The following DYNC1I1 variants were observed in gnomAD, a reference collection of about 807,000 sequenced individuals.
The protein encoded by DYNC1I1 is dynein cytoplasmic 1 intermediate chain 1.
Under a neutral mutation model 86.6 loss-of-function variants are expected in DYNC1I1, and 43 were observed. The observed-to-expected ratio is 0.50, with a 90% CI of 0.39 to 0.64. The LOEUF is 0.64. DYNC1I1 is among the 30% of genes least tolerant of loss of function. The pLI, the probability that DYNC1I1 is intolerant of heterozygous loss-of-function variation, is 0.00. For synonymous variants in DYNC1I1, 262 were observed against 283.7 expected (o/e 0.92, Z 0.77); for missense variants, 604 against 788.8 (o/e 0.77, Z 2.81).
intron 2 of DYNC1I1, among the ~76,000 whole-genome samples, chr7:95,805,413 TCTC>T (rs1168007095): frequency 3.3e-5 from 5 of 152,128 alleles, no homozygotes; most frequent in African/African-American, 1.2e-4. Flanking sequence ...AGGCTGTTCT[TCTC>T]TTAGAGAGAA....
At chr7:95,953,840 A>G (rs996423126) in intron 6 of DYNC1I1, among the ~76,000 whole-genome samples, 5 of 152,196 alleles carry the variant, frequency 3.3e-5, no homozygotes, top group Non-Finnish European at 5.9e-5. Flanking sequence ...ATTCCTGCTG[A>G]GATTTTCCTA....
intron 6 of DYNC1I1, among the ~76,000 whole-genome samples, chr7:95,896,686 G>A (rs1790891721): frequency 6.6e-6 from 1 of 152,140 alleles, no homozygotes; most frequent in South Asian, 2.1e-4. Flanking sequence ...TGAGAAATCA[G>A]AAACCAAGTT....
intron 10 of DYNC1I1, among the ~76,000 whole-genome samples, chr7:96,011,083 T>A (rs1249060474): frequency 6.6e-6 from 1 of 152,194 alleles, no homozygotes; most frequent in African/African-American, 2.4e-5. Flanking sequence ...TTTCTACCAA[T>A]TTCTTCAACA....
At chr7:95,871,230 C>T (rs1443323278) in intron 6 of DYNC1I1, among the ~76,000 whole-genome samples, 1 of 152,156 alleles carries the variant, frequency 6.6e-6, no homozygotes, top group Non-Finnish European at 1.5e-5. Context: ...GCCTCCATTT[C>T]TCAAGCCCCA....
At chr7:95,963,544 GCT>G (rs1329454097) in intron 6 of DYNC1I1, among the ~76,000 whole-genome samples, 1 of 152,136 alleles carries the variant, frequency 6.6e-6, no homozygotes, top group Admixed American at 6.5e-5. Context: ...ATGACTGCAT[GCT>G]CTAACCACTA....
Position 96,097,762 on chromosome 7 carries a change from C to T in DYNC1I1, c.*169C>T. 1 of 1,327,718 alleles carries T rather than the reference C, an allele frequency of 7.5e-7. No individual in the cohort carries two copies. 82.2% of individuals were successfully genotyped at this position (1,327,718 alleles called of 1,614,324 possible). On this transcript the variant is annotated 3_prime_UTR_variant, in exon 17 of 17. Transcript: ENST00000447467. ...AGTATTCTAAATGTGTCCCATCATG[C>T]TTTCCACTGACCCAAAATTCACCAC... is the stretch of plus-strand genomic sequence containing the variant.
At chr7:95,955,710 G>A (rs139201544) in intron 6 of DYNC1I1, among the ~76,000 whole-genome samples, 137 of 152,208 alleles carry the variant, frequency 9.0e-4, no homozygotes, top group African/African-American at 3.1e-3. Flanking sequence ...ATTTCAAACA[G>A]GACCAGCTTA....
In DYNC1I1 at chr7:95,804,849, G is replaced by T; in HGVS notation, c.108+12G>T. On this transcript the variant is annotated intron_variant, in intron 2 of 16. Coordinates refer to ENST00000447467, the MANE Select transcript of DYNC1I1 (RefSeq NM_001135556.2). ...GGAAAAAGAAAGAGGTAAATCCTGGGTGTTGGGGTGTTGTGGGGGAAAAAG... is the reference window on the plus strand; with the variant it reads ...GGAAAAAGAAAGAGGTAAATCCTGGTTGTTGGGGTGTTGTGGGGGAAAAAG... 1 of 1,542,540 alleles carries T rather than the reference G, an allele frequency of 6.5e-7. No homozygotes were observed. Among genetic ancestry groups the T allele is most frequent in the Non-Finnish European group, 8.7e-7 (1 of 1,143,690 alleles).
At chr7:95,901,785 C>T (rs1387752189) in intron 6 of DYNC1I1, among the ~76,000 whole-genome samples, 1 of 152,156 alleles carries the variant, frequency 6.6e-6, no homozygotes, top group Non-Finnish European at 1.5e-5. Context: ...TGAGGGCTGC[C>T]ATCTGCTTAA....
chr7:95,980,366 A>G (rs931724451), intron 7 of DYNC1I1, among the ~76,000 whole-genome samples: 1 of 151,752 alleles, frequency 6.6e-6, no homozygotes, highest in Non-Finnish European at 1.5e-5. Context: ...TCTCTAGCAG[A>G]TATAATCGTG....
At chr7:95,839,082 G>A (rs1262942492) in intron 5 of DYNC1I1, among the ~76,000 whole-genome samples, 2 of 151,982 alleles carry the variant, frequency 1.3e-5, no homozygotes, top group African/African-American at 4.8e-5. Flanking sequence ...CCAGGCTGGA[G>A]TGCAGTGGTG....
chr7:95,875,843 G>A (rs140688967), intron 6 of DYNC1I1, among the ~76,000 whole-genome samples: 95 of 152,264 alleles, frequency 6.2e-4, no homozygotes, highest in African/African-American at 2.3e-3. Context: ...TCTCTCTTTT[G>A]ATGATTTAGT....
At chr7:95,959,446 C>G (rs1374020876) in intron 6 of DYNC1I1, among the ~76,000 whole-genome samples, 2 of 152,126 alleles carry the variant, frequency 1.3e-5, no homozygotes, top group Non-Finnish European at 2.9e-5. Context: ...GGAAATCTTT[C>G]AGAGATTAAG....
At chr7:95,896,553 T>A (rs1790887589) in intron 6 of DYNC1I1, among the ~76,000 whole-genome samples, 1 of 152,164 alleles carries the variant, frequency 6.6e-6, no homozygotes, top group Non-Finnish European at 1.5e-5. Flanking sequence ...GAGTAAGAAG[T>A]TTGCCTAAAG....
At position 96,053,785 on chromosome 7, in the gene DYNC1I1, C is replaced by T. The variant is rs372710275; in HGVS notation, c.1509+14364C>T. On this transcript the variant is annotated intron_variant, in intron 14 of 16. Coordinates refer to ENST00000447467, the MANE Select transcript of DYNC1I1 (RefSeq NM_001135556.2). ...GATATTGCTTTGTTCATCTTTATCC[C>T]GTGTCTCACATATGTTAGTTTCCTA... Among the ~76,000 whole-genome samples the T allele has an allele frequency of 1.1e-4, 17 of 152,056 alleles. 1 individual carries two copies. In the East Asian group the frequency reaches 2.9e-3, roughly 26 times the overall value.
chr7:95,909,243 T>TGGGGGGGGGGGGGGGGGGGGGGG (rs55986463), intron 6 of DYNC1I1, among the ~76,000 whole-genome samples: 1 of 40,380 alleles, frequency 2.5e-5, no homozygotes, highest in Non-Finnish European at 4.3e-5. Flanking sequence ...GGGAGGGGGG[T>TGGGGGGGGGGGGGGGGGGGGGGG]GGGGGGGGGG....
chr7:96,086,472 T>A (rs76907528), intron 16 of DYNC1I1, among the ~76,000 whole-genome samples: 1 of 152,302 alleles, frequency 6.6e-6, no homozygotes, highest in East Asian at 1.9e-4. Context: ...AAACCATGGT[T>A]TGAGAGACGG....
At chr7:95,960,252 G>A (rs1358816915) in intron 6 of DYNC1I1, among the ~76,000 whole-genome samples, 5 of 151,692 alleles carry the variant, frequency 3.3e-5, no homozygotes, top group Non-Finnish European at 2.9e-5. Context: ...GATTACAGGC[G>A]GACACCACCA....
intron 6 of DYNC1I1, among the ~76,000 whole-genome samples, chr7:95,934,788 G>T (rs952217024): frequency 6.6e-6 from 1 of 151,866 alleles, no homozygotes; most frequent in Non-Finnish European, 1.5e-5. Flanking sequence ...TATCACTTGA[G>T]ACTGCAAATC....
Sources: allele counts gnomAD v4.1 joint callset (sites outside exome capture counted in the v4.1 genomes callset), GRCh38; gene constraint gnomAD v4.1.1; transcripts MANE v1.5; gene names NCBI Gene and HGNC (gene_info 2026-07-23, HGNC 2026-07-21).